PARN: variants seen among roughly 807,000 people sequenced by gnomAD.
PARN encodes poly(A)-specific ribonuclease.
In PARN, 71 loss-of-function variants were observed where a neutral mutation model predicts 102.8. That is an observed-to-expected ratio of 0.69 (90% CI 0.57 to 0.84). The LOEUF is 0.84. Among genes scored for constraint, PARN ranks in the 40% least tolerant of loss-of-function variants. The pLI, the probability that PARN is intolerant of heterozygous loss-of-function variation, is 0.00. For synonymous variants in PARN, 261 were observed against 252.9 expected, an observed-to-expected ratio of 1.03 and a Z score of -0.30; for missense variants, 782 against 760.9, an observed-to-expected ratio of 1.03 and a Z score of -0.33.
At chr16:14,596,345 CAGTAAAAATCCTA>C (rs1970510072) in intron 12 of PARN, among the ~76,000 whole-genome samples, 1 of 151,392 alleles carries the variant, frequency 6.6e-6, no homozygotes, top group African/African-American at 2.4e-5. Context: ...ACAAAGTAAA[CAGTAAAAATCCTA>C]GATAATAATC....
In PARN at chr16:14,627,322, A is replaced by C. The variant is rs1403598118; in HGVS notation, c.192T>G (p.Phe64Leu). 9.4e-6 allele frequency: 15 copies of C among 1,589,418 alleles called. No individual in the cohort carries two copies. Among genetic ancestry groups the C allele is most frequent in the Non-Finnish European group, 1.3e-5 (15 of 1,166,894 alleles). Residue 64 changes from phenylalanine (F) to leucine (L), a missense_variant, in exon 4 of 24, where the codon TTT becomes TTG. Physicochemically the swap from Phe to Leu is conservative, Grantham distance 22 (BLOSUM62 0). Transcript: ENST00000437198. ...YQKLKKHSMD[F>L]LLFQFGLCTF... ...TGCAAAGGCCAAACTGAAATAGCAA[A>C]AAGTCCATGGAATGCTGGAAAAGGG...
intron 22 of PARN, among the ~76,000 whole-genome samples, chr16:14,466,862 G>A (rs1362024316): frequency 1.3e-5 from 2 of 152,002 alleles, no homozygotes; most frequent in East Asian, 1.9e-4. Context: ...GGTTCCTTCC[G>A]GCTTTCCTAT....
chr16:14,544,929 G>A (rs772437493), intron 21 of PARN, among the ~76,000 whole-genome samples: 2 of 152,224 alleles, frequency 1.3e-5, no homozygotes, highest in Non-Finnish European at 2.9e-5. Flanking sequence ...GCTCATGCCT[G>A]TAATCCCGGC....
intron 6 of PARN, among the ~76,000 whole-genome samples, chr16:14,611,532 C>A (rs1971519389): frequency 1.3e-5 from 2 of 152,068 alleles, no homozygotes; most frequent in Admixed American, 1.3e-4. Context: ...CAGAGGTCAG[C>A]AAACTTTTTC....
At chr16:14,568,357 T>C (rs1237587505) in intron 18 of PARN, among the ~76,000 whole-genome samples, 1 of 150,372 alleles carries the variant, frequency 6.7e-6, no homozygotes, top group Non-Finnish European at 1.5e-5. Context: ...GGACTACAGG[T>C]ACCCGCCACC....
At chr16:14,464,399 A>G (rs1260611977) in intron 22 of PARN, among the ~76,000 whole-genome samples, 1 of 152,232 alleles carries the variant, frequency 6.6e-6, no homozygotes, top group Non-Finnish European at 1.5e-5. Flanking sequence ...AGTATCTTAA[A>G]ATGAATGAAA....
chr16:14,577,859 G>C lies in PARN; in HGVS notation c.1262+3015C>G, dbSNP rs534145071. 6.0e-3 allele frequency among the ~76,000 whole-genome samples: 910 copies of C among 151,468 alleles called. 9 individuals are homozygous for C. The highest frequency in any genetic ancestry group is 6.8e-3 in the Middle Eastern group (2 of 294). On this transcript the variant is annotated intron_variant, in intron 18 of 23. Coordinates refer to ENST00000437198, the MANE Select transcript of PARN (RefSeq NM_002582.4). Reference sequence around the variant, plus strand: ...CTTTTTGTATTTGTAGTAGAGACAGGGTTTCGCCATGTTGGCCAGGCTGGT... The same window carrying C: ...CTTTTTGTATTTGTAGTAGAGACAGCGTTTCGCCATGTTGGCCAGGCTGGT...
At chr16:14,506,131 A>T (rs1266464617) in intron 21 of PARN, among the ~76,000 whole-genome samples, 1 of 152,232 alleles carries the variant, frequency 6.6e-6, no homozygotes, top group Non-Finnish European at 1.5e-5. Flanking sequence ...CGCCAGAAAC[A>T]TTTAATCTGA....
At chr16:14,541,988 C>G (rs1966843730) in intron 21 of PARN, among the ~76,000 whole-genome samples, 1 of 151,698 alleles carries the variant, frequency 6.6e-6, no homozygotes, top group Non-Finnish European at 1.5e-5. Flanking sequence ...TCAGATGATG[C>G]AGATGTTGGA....
intron 21 of PARN, among the ~76,000 whole-genome samples, chr16:14,538,825 G>C (rs180982967): frequency 2.6e-5 from 4 of 152,078 alleles, no homozygotes; most frequent in African/African-American, 9.7e-5. Context: ...CCCATCGCTC[G>C]CATTACCACC....
chr16:14,585,529 G>A (rs1415817787), intron 14 of PARN, among the ~76,000 whole-genome samples: 3 of 151,956 alleles, frequency 2.0e-5, no homozygotes, highest in Non-Finnish European at 4.4e-5. Flanking sequence ...GACCTATGAT[G>A]TCTCAGAGAT....
At chr16:14,455,915 T>C (rs966042135) in intron 22 of PARN, among the ~76,000 whole-genome samples, 4 of 152,210 alleles carry the variant, frequency 2.6e-5, no homozygotes, top group East Asian at 1.9e-4. Context: ...GTAATGCCCA[T>C]GTTGGCTGTT....
intron 21 of PARN, among the ~76,000 whole-genome samples, chr16:14,541,933 C>T (rs1213201845): frequency 1.3e-5 from 2 of 152,178 alleles, no homozygotes; most frequent in Non-Finnish European, 1.5e-5. Context: ...GAAAACATGA[C>T]CCATTCTCAA....
intron 14 of PARN, among the ~76,000 whole-genome samples, chr16:14,585,382 T>C (rs1969786269): frequency 2.0e-5 from 3 of 149,620 alleles, no homozygotes; most frequent in Non-Finnish European, 3.0e-5. Flanking sequence ...TTTTTTTTTT[T>C]TTCATATAAA....
At chr16:14,598,339 G>C (rs117466056) in intron 12 of PARN, among the ~76,000 whole-genome samples, 8 of 152,202 alleles carry the variant, frequency 5.3e-5, no homozygotes, top group Non-Finnish European at 1.0e-4. Context: ...AAAGATGTCA[G>C]AGAAAAGAAA....
intron 21 of PARN, among the ~76,000 whole-genome samples, chr16:14,540,685 T>C (rs1966805136): frequency 6.6e-6 from 1 of 152,172 alleles, no homozygotes; most frequent in Admixed American, 6.5e-5. Flanking sequence ...ACCAAGATTT[T>C]AGGAGGCTGA....
At chr16:14,460,185 A>G (rs931251802) in intron 22 of PARN, among the ~76,000 whole-genome samples, 12 of 152,186 alleles carry the variant, frequency 7.9e-5, no homozygotes, top group African/African-American at 2.9e-4. Context: ...CCTACACAGA[A>G]AGACCATCAA....
intron 23 of PARN, among the ~76,000 whole-genome samples, chr16:14,444,983 A>ATTTTTTT (rs564058919): frequency 4.2e-5 from 5 of 117,970 alleles, no homozygotes; most frequent in Non-Finnish European, 6.9e-5. Context: ...TAATATTTAA[A>ATTTTTTT]TTTTTTTTTT....
At chr16:14,447,891 T>G (rs1961269430) in intron 22 of PARN, among the ~76,000 whole-genome samples, 1 of 152,316 alleles carries the variant, frequency 6.6e-6, no homozygotes, top group Non-Finnish European at 1.5e-5. Flanking sequence ...AAGTGAGAGA[T>G]AAAATGATCT....
Sources: allele counts gnomAD v4.1 joint callset (sites outside exome capture counted in the v4.1 genomes callset), GRCh38; gene constraint gnomAD v4.1.1; transcripts MANE v1.5; gene names NCBI Gene and HGNC (gene_info 2026-07-23, HGNC 2026-07-21).